Variants in SKIL observed in about 807,000 individuals in gnomAD.
SKIL encodes the protein ski-like protein.
In SKIL, 20 loss-of-function variants were observed where a neutral mutation model predicts 69.6. The observed-to-expected ratio is 0.29, with a 90% CI of 0.20 to 0.42. SKIL has a LOEUF of 0.42. Ranked by LOEUF, SKIL falls within the 10% of genes least tolerant of loss-of-function variation. SKIL has a pLI of 1.00. For missense variants in SKIL, 745 were observed against 783.1 expected (o/e 0.95, Z 0.58); for synonymous variants, 310 against 279.9 (o/e 1.11, Z -1.08).
chr3:170,373,994 A>G (rs1284293690), intron 2 of SKIL, among the ~76,000 whole-genome samples: 2 of 151,396 alleles, frequency 1.3e-5, no homozygotes. Context: ...AAGGAGTGAC[A>G]AGAAGTTTTT....
At chr3:170,359,550 A>G (rs894594805) in intron 1 of SKIL, 149 bp from the exon 2 acceptor site, 4 of 151,766 alleles carry the variant, frequency 2.6e-5, no homozygotes, top group African/African-American at 9.7e-5. Flanking sequence ...GTATGCCGAG[A>G]TCGCTGCACT....
intron 3 of SKIL, among the ~76,000 whole-genome samples, chr3:170,381,802 C>T (rs1737366088): frequency 6.6e-6 from 1 of 151,228 alleles, no homozygotes; most frequent in Non-Finnish European, 1.5e-5. Flanking sequence ...CAAAATTAGG[C>T]TGGGCGCGGT....
At chr3:170,371,065 A>C (rs1479758103) in intron 2 of SKIL, among the ~76,000 whole-genome samples, 1 of 152,238 alleles carries the variant, frequency 6.6e-6, no homozygotes, top group East Asian at 1.9e-4. Context: ...CCATTGTAGT[A>C]AATACTAAAA....
intron 2 of SKIL, among the ~76,000 whole-genome samples, chr3:170,374,387 TGAAATGTTAAG>T (rs1166472031): frequency 6.6e-6 from 1 of 152,170 alleles, no homozygotes; most frequent in Non-Finnish European, 1.5e-5. Flanking sequence ...AAGAGCATTT[TGAAATGTTAAG>T]GCTCTAACTT....
intron 6 of SKIL, 149 bp from the exon 7 acceptor site, chr3:170,392,110 A>G (rs568982243): frequency 1.5e-5 from 9 of 592,042 alleles, no homozygotes; most frequent in Non-Finnish European, 5.8e-6. Flanking sequence ...CAGATGTCAG[A>G]TTAATAGTAT....
At chr3:170,371,191 G>A (rs142362840) in intron 2 of SKIL, among the ~76,000 whole-genome samples, 1 of 152,258 alleles carries the variant, frequency 6.6e-6, no homozygotes, top group East Asian at 1.9e-4. Context: ...CATTTCTAGA[G>A]TGCATAAGTA....
chr3:170,373,206 G>T (rs537928397), intron 2 of SKIL, among the ~76,000 whole-genome samples: 1 of 151,888 alleles, frequency 6.6e-6, no homozygotes, highest in African/African-American at 2.4e-5. Flanking sequence ...TTGCTATGTC[G>T]CCCAGGCTGG....
chr3:170,391,396 C>T, intron 6 of SKIL, 136 bp downstream of exon 6: 2 of 591,716 alleles, frequency 3.4e-6, no homozygotes, highest in South Asian at 2.2e-5. Flanking sequence ...CAGCTCCCCA[C>T]AACCTCTGCC....
chr3:170,372,988 A>T (rs866504572), intron 2 of SKIL, among the ~76,000 whole-genome samples: 1,707 of 134,176 alleles, frequency 0.013, 16 homozygotes, highest in Non-Finnish European at 0.017. Context: ...ATAATTTTCA[A>T]TTTTTTTTTT....
At chr3:170,381,395 A>G in intron 3 of SKIL, 54 bp downstream of exon 3, 5 of 853,658 alleles carry the variant, frequency 5.9e-6, no homozygotes, top group Non-Finnish European at 1.0e-5. Context: ...TTCAACAACT[A>G]TATGCCATGC....
At chr3:170,368,677 A>G (rs547915109) in intron 2 of SKIL, among the ~76,000 whole-genome samples, 2 of 151,008 alleles carry the variant, frequency 1.3e-5, no homozygotes, top group South Asian at 4.2e-4. Flanking sequence ...TTTCTGAGAC[A>G]AACAAGATAA....
intron 2 of SKIL, among the ~76,000 whole-genome samples, chr3:170,364,121 C>G (rs1462194276): frequency 1.3e-5 from 2 of 151,664 alleles, no homozygotes; most frequent in African/African-American, 4.8e-5. Flanking sequence ...CAGCTAATTT[C>G]TTTTGTATTT....
At chr3:170,364,688 C>T (rs1736417947) in intron 2 of SKIL, among the ~76,000 whole-genome samples, 1 of 151,778 alleles carries the variant, frequency 6.6e-6, no homozygotes, top group Admixed American at 6.6e-5. Flanking sequence ...AATATTCTTG[C>T]TCTGTGTTTA....
chr3:170,378,508 ACTTTC>A (rs1737149071), intron 2 of SKIL, among the ~76,000 whole-genome samples: 1 of 149,500 alleles, frequency 6.7e-6, no homozygotes, highest in Non-Finnish European at 1.5e-5. Context: ...CAGCTTTGCT[ACTTTC>A]CTAATTTGTT....
Position 170,395,135 on chromosome 3 carries a change from T to A in SKIL, c.*2718T>A, listed in dbSNP as rs985622725. 6.6e-6 allele frequency: 1 copy of A among 152,166 alleles called. No homozygotes were observed. Among genetic ancestry groups the A allele is most frequent in the Non-Finnish European group, 1.5e-5 (1 of 67,980 alleles). 9.4% of individuals were successfully genotyped at this position (152,166 alleles called of 1,614,324 possible). ...ATATTAGCTTGGGTGATGTTTAATT[T>A]GGGTGGCGATAGTTTCTGTAGGCTA... On this transcript the variant is annotated 3_prime_UTR_variant, in exon 7 of 7. Transcript: ENST00000259119.
At position 170,392,390 on chromosome 3, in the gene SKIL, G is replaced by A. The variant is rs769857457; in HGVS notation, c.2028G>A (p.Leu676=). ...TAAAAGAGCTAAAGCTGCAAATTCT[G>A]AAATCATCAAAGACTGCTAAAGAAT... is the stretch of plus-strand genomic sequence containing the variant. ...MMIKELKLQI[L]KSSKTAKE is the part of the protein sequence containing the mutation. Residue 676 remains leucine, a synonymous_variant, in exon 7 of 7, where the codon CTG becomes CTA. Transcript: ENST00000259119. 2.5e-6 allele frequency: 4 copies of A among 1,611,482 alleles called. No homozygotes were observed. The highest frequency in any genetic ancestry group is 3.4e-6 in the Non-Finnish European group (4 of 1,178,196).
At chr3:170,376,042 CTTTT>C (rs869036195) in intron 2 of SKIL, among the ~76,000 whole-genome samples, 1 of 89,124 alleles carries the variant, frequency 1.1e-5, no homozygotes, top group Non-Finnish European at 2.1e-5. Flanking sequence ...GCTGATTTTC[CTTTT>C]TTTTTTTTTT....
intron 2 of SKIL, among the ~76,000 whole-genome samples, chr3:170,372,434 A>G (rs573256489): frequency 2.6e-5 from 4 of 152,320 alleles, no homozygotes; most frequent in Admixed American, 2.0e-4. Flanking sequence ...CTTAGATCAT[A>G]CTGTCCCAGT....
chr3:170,367,849 A>G (rs1478484220), intron 2 of SKIL, among the ~76,000 whole-genome samples: 1 of 152,202 alleles, frequency 6.6e-6, no homozygotes, highest in Non-Finnish European at 1.5e-5. Context: ...TTAGGGGGGA[A>G]AAATCTCTAT....
Sources: gnomAD v4.1 joint callset for allele counts (sites outside exome capture counted in the v4.1 genomes callset) on GRCh38, gnomAD v4.1.1 for gene constraint, MANE v1.5 for transcripts, NCBI Gene and HGNC (gene_info 2026-07-23, HGNC 2026-07-21) for gene names.